CA10: variants seen among roughly 807,000 people sequenced by gnomAD.
The protein encoded by CA10 is carbonic anhydrase 10 (inactive).
Under a neutral mutation model 44.2 loss-of-function variants are expected in CA10, and 14 were observed. The ratio of observed to expected loss-of-function variants is 0.32; its 90% confidence interval spans 0.21 to 0.50. The LOEUF (loss-of-function observed/expected upper bound fraction) is 0.50, where lower values mean the gene tolerates loss of function less well. Ranked by LOEUF, CA10 falls within the 20% of genes least tolerant of loss-of-function variation. CA10 has a pLI of 0.99. For missense variants in CA10, 350 were observed against 409.7 expected, an observed-to-expected ratio of 0.85 and a Z score of 1.26; for synonymous variants, 159 against 141.6, an observed-to-expected ratio of 1.12 and a Z score of -0.87.
intron 4 of CA10, among the ~76,000 whole-genome samples, chr17:51,672,159 T>TA (rs1914452338): frequency 6.6e-6 from 1 of 152,192 alleles, no homozygotes; most frequent in Non-Finnish European, 1.5e-5. Context: ...AATCTTAAGT[T>TA]ACCCATATTC....
At chr17:51,953,151 G>T (rs531507786) in intron 2 of CA10, among the ~76,000 whole-genome samples, 2 of 152,092 alleles carry the variant, frequency 1.3e-5, no homozygotes, top group Non-Finnish European at 2.9e-5. Flanking sequence ...GTCTGTTCTA[G>T]TACCAGTTTG....
At chr17:51,836,571 C>T (rs1908484934) in intron 3 of CA10, among the ~76,000 whole-genome samples, 1 of 152,146 alleles carries the variant, frequency 6.6e-6, no homozygotes, top group Admixed American at 6.5e-5. Context: ...TGTGGGGAGC[C>T]CCCACCCTTC....
chr17:52,116,284 A>AC (rs1260556975), intron 1 of CA10, among the ~76,000 whole-genome samples: 7 of 152,236 alleles, frequency 4.6e-5, no homozygotes, highest in African/African-American at 1.7e-4. Context: ...CCAGGACCCC[A>AC]ATTCACAAGA....
intron 1 of CA10, among the ~76,000 whole-genome samples, chr17:52,150,322 C>G (rs1989676644): frequency 6.6e-6 from 1 of 152,164 alleles, no homozygotes; most frequent in Non-Finnish European, 1.5e-5. Context: ...TCTCTCTTCT[C>G]CTCAAACACT....
intron 2 of CA10, among the ~76,000 whole-genome samples, chr17:51,994,020 T>C (rs1190258191): frequency 1.3e-5 from 2 of 152,066 alleles, no homozygotes; most frequent in African/African-American, 2.4e-5. Context: ...ATATAATATA[T>C]GGCACGTAAC....
At chr17:51,814,550 T>C (rs1907494687) in intron 3 of CA10, among the ~76,000 whole-genome samples, 1 of 152,228 alleles carries the variant, frequency 6.6e-6, no homozygotes, top group East Asian at 1.9e-4. Flanking sequence ...TTTGTTTAAA[T>C]ATGTTTGCTG....
At chr17:51,887,883 G>A (rs1026364010) in intron 3 of CA10, among the ~76,000 whole-genome samples, 6 of 151,332 alleles carry the variant, frequency 4.0e-5, no homozygotes, top group African/African-American at 4.9e-5. Flanking sequence ...AAAATTAGTC[G>A]GGTGTGGTGG....
intron 2 of CA10, among the ~76,000 whole-genome samples, chr17:52,051,017 G>A (rs1015396917): frequency 5.3e-5 from 8 of 150,132 alleles, no homozygotes; most frequent in South Asian, 4.2e-4. Context: ...AGGAAGGAAC[G>A]AAGGAAGGAA....
intron 3 of CA10, among the ~76,000 whole-genome samples, chr17:51,889,420 A>G (rs1306647450): frequency 1.3e-5 from 2 of 152,130 alleles, no homozygotes; most frequent in African/African-American, 2.4e-5. Flanking sequence ...GCTAACCAGG[A>G]GGCTGAGGTG....
intron 3 of CA10, among the ~76,000 whole-genome samples, chr17:51,773,853 A>G (rs1905704813): frequency 6.6e-6 from 1 of 152,108 alleles, no homozygotes; most frequent in Admixed American, 6.6e-5. Flanking sequence ...GCTACTTGCA[A>G]CACAAAGCAA....
chr17:51,994,847 T>C (rs951758999), intron 2 of CA10, among the ~76,000 whole-genome samples: 2 of 151,918 alleles, frequency 1.3e-5, no homozygotes, highest in Non-Finnish European at 2.9e-5. Flanking sequence ...TAAAAACACC[T>C]ACCTCATTAT....
At chr17:52,079,702 G>A (rs774969241) in intron 1 of CA10, among the ~76,000 whole-genome samples, 6 of 152,150 alleles carry the variant, frequency 3.9e-5, no homozygotes, top group Non-Finnish European at 8.8e-5. Flanking sequence ...AAGCCCACAC[G>A]TGCTTGACAG....
chr17:51,678,721 G>A (rs1057303963), intron 4 of CA10, among the ~76,000 whole-genome samples: 2 of 152,212 alleles, frequency 1.3e-5, no homozygotes, highest in Non-Finnish European at 2.9e-5. Context: ...AAATGTGAAG[G>A]AGAAGGATGC....
At position 51,662,253 on chromosome 17, in the gene CA10, G is replaced by A. The variant is rs182367341; in HGVS notation, c.466-8517C>T. Among the ~76,000 whole-genome samples the A allele has an allele frequency of 3.9e-5, 6 of 152,230 alleles. No homozygotes were observed. In the East Asian group the frequency reaches 1.2e-3, roughly 29 times the overall value. The stretch of plus-strand genomic sequence containing the variant: ...TCAAATGAGCTGAATTCTAGTCAAC[G>A]TATAGGTCCCAAATGCCCACCCTAT... On this transcript the variant is annotated intron_variant, in intron 4 of 8. Coordinates refer to ENST00000451037, the MANE Select transcript of CA10 (RefSeq NM_020178.5).
In CA10 at chr17:51,821,123, T is replaced by TTCCC. The variant is rs928344432; in HGVS notation, c.280-73309_280-73306dup. ...TTCCTTCCTTCCTTTCCTTCCTCCC[T>TTCCC]TCCCTCCCTCCCTCCCTCCCAATAT... On this transcript the variant is annotated intron_variant, in intron 3 of 8. Transcript: ENST00000451037. Among the ~76,000 whole-genome samples, 12 of 105,658 alleles carry TTCCC rather than the reference T, an allele frequency of 1.1e-4. No homozygotes were observed. The East Asian group carries it at 2.6e-3, about 23-fold the overall frequency. 69.3% of individuals were successfully genotyped at this position (105,658 alleles called of 152,430 possible). A position where few individuals can be genotyped will look rare whatever the true frequency, so the allele number is the denominator to read the frequency against.
At chr17:51,664,737 C>T (rs1380524397) in intron 4 of CA10, among the ~76,000 whole-genome samples, 2 of 151,816 alleles carry the variant, frequency 1.3e-5, no homozygotes, top group African/African-American at 2.4e-5. Context: ...AATGTGGTGT[C>T]CAGAGGGCAA....
At chr17:51,899,153 T>A (rs1981203334) in intron 3 of CA10, among the ~76,000 whole-genome samples, 1 of 152,140 alleles carries the variant, frequency 6.6e-6, no homozygotes, top group Non-Finnish European at 1.5e-5. Context: ...ATTTGAGACC[T>A]TTCTAAAGTT....
At chr17:51,670,905 C>T (rs1399094518) in intron 4 of CA10, among the ~76,000 whole-genome samples, 1 of 152,088 alleles carries the variant, frequency 6.6e-6, no homozygotes, top group Non-Finnish European at 1.5e-5. Flanking sequence ...GTGTCTGATG[C>T]CAAAAACAAA....
At chr17:51,846,147 GC>G (rs1978484554) in intron 3 of CA10, among the ~76,000 whole-genome samples, 1 of 152,222 alleles carries the variant, frequency 6.6e-6, no homozygotes, top group African/African-American at 2.4e-5. Context: ...GGAGGCATTG[GC>G]CTTTTGCCTG....
Sources: allele counts gnomAD v4.1 joint callset (sites outside exome capture counted in the v4.1 genomes callset), GRCh38; gene constraint gnomAD v4.1.1; transcripts MANE v1.5; gene names NCBI Gene and HGNC (gene_info 2026-07-23, HGNC 2026-07-21).